Variants in NDUFAF6 observed in about 807,000 individuals in gnomAD.
The protein encoded by NDUFAF6 is NADH dehydrogenase (ubiquinone) complex I, assembly factor 6.
In NDUFAF6, 45 loss-of-function variants were observed where a neutral mutation model predicts 40.8. The observed-to-expected ratio is 1.10, with a 90% CI of 0.87 to 1.42. The LOEUF is 1.42. Ranked by LOEUF, NDUFAF6 falls within the 40% of genes most tolerant of loss-of-function variation. The pLI is 0.00. For missense variants in NDUFAF6, 435 were observed against 418.5 expected, an observed-to-expected ratio of 1.04 and a Z score of -0.34; for synonymous variants, 185 against 155.9, an observed-to-expected ratio of 1.19 and a Z score of -1.39.
chr8:95,103,737 A>C (rs1242226095), downstream of NDUFAF6, among the ~76,000 whole-genome samples: 3 of 152,186 alleles, frequency 2.0e-5, no homozygotes, highest in Admixed American at 2.0e-4. Context: ...CAGTCCGGGC[A>C]TGCATGGTTC....
intron 1 of NDUFAF6, among the ~76,000 whole-genome samples, chr8:94,904,979 T>G (rs1818297148): frequency 6.6e-6 from 1 of 152,136 alleles, no homozygotes; most frequent in Non-Finnish European, 1.5e-5. Context: ...GCGGGCGGAT[T>G]ACCTGAGGTT....
At chr8:95,109,915 G>A (rs1809949773) in intron 4 of NDUFAF6, among the ~76,000 whole-genome samples, 1 of 152,146 alleles carries the variant, frequency 6.6e-6, no homozygotes, top group Non-Finnish European at 1.5e-5. Flanking sequence ...AAATTGTGAA[G>A]TTGTGTACCA....
intron 2 of NDUFAF6, among the ~76,000 whole-genome samples, chr8:95,004,316 C>T (rs535295295): frequency 6.6e-6 from 1 of 151,266 alleles, no homozygotes; most frequent in Admixed American, 6.6e-5. Flanking sequence ...CATGGTTTCC[C>T]ACTGCTGGTA....
intron 2 of NDUFAF6, among the ~76,000 whole-genome samples, chr8:95,007,912 C>A (rs1254237127): frequency 6.6e-6 from 1 of 151,882 alleles, no homozygotes; most frequent in African/African-American, 2.4e-5. Context: ...TTTGTAGAGA[C>A]GGGGTCTCAC....
At chr8:95,111,042 C>T (rs1361888052) in intron 4 of NDUFAF6, among the ~76,000 whole-genome samples, 3 of 152,182 alleles carry the variant, frequency 2.0e-5, no homozygotes, top group Non-Finnish European at 4.4e-5. Context: ...CCCTAAAGGC[C>T]TGGGCAGGAA....
downstream of NDUFAF6, among the ~76,000 whole-genome samples, chr8:95,103,718 G>A (rs78874594): frequency 0.014 from 2,141 of 152,288 alleles, 50 homozygotes; most frequent in African/African-American, 0.049. Context: ...GAGAAGGATA[G>A]GAGTGAGCCA....
At chr8:94,926,951 A>C (rs148966293) in intron 1 of NDUFAF6, 2 of 152,344 alleles carry the variant, frequency 1.3e-5, no homozygotes, top group African/African-American at 2.4e-5. Flanking sequence ...ATGGCAGTGA[A>C]ACCATCCAAG....
chr8:94,940,364 C>T, intron 1 of NDUFAF6: 1 of 923,396 alleles, frequency 1.1e-6, no homozygotes, highest in Non-Finnish European at 1.6e-6. Context: ...AGCTGATGCT[C>T]ACGTATCTTC....
intron 1 of NDUFAF6, among the ~76,000 whole-genome samples, chr8:94,944,493 G>T (rs138108838): frequency 1.6e-3 from 247 of 152,286 alleles, no homozygotes; most frequent in African/African-American, 5.7e-3. Flanking sequence ...GAGCTTTCTA[G>T]GGAGCAGTAC....
chr8:94,992,483 G>A (rs778555531), intron 2 of NDUFAF6, among the ~76,000 whole-genome samples: 13 of 151,866 alleles, frequency 8.6e-5, no homozygotes, highest in South Asian at 4.2e-4. Flanking sequence ...CAAGACTCCC[G>A]TCTCAAAAGA....
intron 8 of NDUFAF6, among the ~76,000 whole-genome samples, chr8:95,054,504 G>A (rs542829389): frequency 3.1e-4 from 47 of 151,250 alleles, no homozygotes; most frequent in African/African-American, 1.1e-3. Flanking sequence ...GCATGATCTC[G>A]GCTCACTGCA....
intron 1 of NDUFAF6, among the ~76,000 whole-genome samples, chr8:95,026,589 G>A (rs1366010717): frequency 6.6e-6 from 1 of 152,192 alleles, no homozygotes; most frequent in African/African-American, 2.4e-5. Context: ...AGCCAAAATT[G>A]TGAAAAGATT....
At chr8:95,025,982 G>A (rs1828073452) in intron 1 of NDUFAF6, among the ~76,000 whole-genome samples, 2 of 152,172 alleles carry the variant, frequency 1.3e-5, no homozygotes, top group Admixed American at 6.5e-5. Flanking sequence ...CTTCTGCTAT[G>A]TCTCATTTGA....
At chr8:94,997,386 A>G (rs1217775977) in intron 2 of NDUFAF6, among the ~76,000 whole-genome samples, 2 of 151,986 alleles carry the variant, frequency 1.3e-5, no homozygotes, top group African/African-American at 2.4e-5. Context: ...TGTAAGAGAC[A>G]GATTTTGAGT....
chr8:94,920,415 A>G (rs1304123364), intron 1 of NDUFAF6, among the ~76,000 whole-genome samples: 3 of 152,246 alleles, frequency 2.0e-5, no homozygotes, highest in Admixed American at 6.5e-5. Flanking sequence ...CAGTATCCTC[A>G]CATGGCAGGA....
chr8:94,968,736 G>T (rs1824217302), intron 1 of NDUFAF6, among the ~76,000 whole-genome samples: 1 of 152,326 alleles, frequency 6.6e-6, no homozygotes, highest in African/African-American at 2.4e-5. Flanking sequence ...GCAGCAGATG[G>T]TACCAAGGGC....
chr8:95,001,083 G>A (rs1051992381), intron 2 of NDUFAF6, among the ~76,000 whole-genome samples: 19 of 151,380 alleles, frequency 1.3e-4, no homozygotes, highest in African/African-American at 3.9e-4. Context: ...AGCCTCCAGA[G>A]TAACTGGGAC....
intron 8 of NDUFAF6, among the ~76,000 whole-genome samples, chr8:95,052,621 A>C (rs1831570163): frequency 6.6e-6 from 1 of 151,288 alleles, no homozygotes; most frequent in Admixed American, 6.6e-5. Context: ...TATTCTGTTC[A>C]TTTTTTTTTC....
intron 5 of NDUFAF6, among the ~76,000 whole-genome samples, chr8:95,046,512 A>AAT (rs1301012265): frequency 6.6e-6 from 1 of 152,192 alleles, no homozygotes; most frequent in Non-Finnish European, 1.5e-5. Context: ...TGAAGAAGGT[A>AAT]ATATATATCT....
Sources: allele counts gnomAD v4.1 joint callset (sites outside exome capture counted in the v4.1 genomes callset), GRCh38; gene constraint gnomAD v4.1.1; transcripts MANE v1.5; gene names NCBI Gene and HGNC (gene_info 2026-07-23, HGNC 2026-07-21).